CNTNAP4: variants seen among roughly 807,000 people sequenced by gnomAD.
CNTNAP4 encodes the protein contactin associated protein family member 4, also known as contactin-associated protein-like 4.
In CNTNAP4, 98 loss-of-function variants were observed where a neutral mutation model predicts 148.4. The ratio of observed to expected loss-of-function variants is 0.66; its 90% CI spans 0.56 to 0.78. The LOEUF is 0.78. CNTNAP4 is among the 30% of genes least tolerant of loss of function. CNTNAP4 has a pLI of 0.00. For synonymous variants in CNTNAP4, 730 were observed against 565.1 expected (o/e 1.29, Z -4.14); for missense variants, 1,935 against 1,565.6 (o/e 1.24, Z -3.98).
intron 3 of CNTNAP4, among the ~76,000 whole-genome samples, chr16:76,380,934 T>A (rs2015905459): frequency 6.6e-6 from 1 of 152,242 alleles, no homozygotes; most frequent in Non-Finnish European, 1.5e-5. Context: ...TTTAAGTTAG[T>A]TGTCTATCAT....
intron 8 of CNTNAP4, among the ~76,000 whole-genome samples, chr16:76,453,167 T>G (rs1350360857): frequency 6.6e-6 from 1 of 152,202 alleles, no homozygotes; most frequent in African/African-American, 2.4e-5. Context: ...ATCTGGTCTG[T>G]GAGAAAAAGG....
intron 2 of CNTNAP4, among the ~76,000 whole-genome samples, chr16:76,340,841 G>T (rs1038241769): frequency 6.6e-6 from 1 of 152,258 alleles, no homozygotes; most frequent in Middle Eastern, 3.4e-3. Flanking sequence ...TGATCAAGGA[G>T]ATATGTCTGC....
chr16:76,387,617 G>A (rs1433058090), intron 3 of CNTNAP4, among the ~76,000 whole-genome samples: 1 of 152,114 alleles, frequency 6.6e-6, no homozygotes, highest in Non-Finnish European at 1.5e-5. Context: ...CTCCAAAAAA[G>A]CAATTGCCCT....
At chr16:76,553,579 C>G in intron 22 of CNTNAP4, 78 bp downstream of exon 22, 1 of 1,025,010 alleles carries the variant, frequency 9.8e-7, no homozygotes, top group Non-Finnish European at 1.4e-6. Context: ...ATGTGGCTTT[C>G]AGGCTACCTT....
chr16:76,309,249 G>C (rs1245043435), intron 1 of CNTNAP4, among the ~76,000 whole-genome samples: 1 of 151,992 alleles, frequency 6.6e-6, no homozygotes, highest in Non-Finnish European at 1.5e-5. Context: ...GGCAGAGCTG[G>C]GGGAAAGCTC....
chr16:76,414,213 A>G (rs2144940109), intron 3 of CNTNAP4, among the ~76,000 whole-genome samples: 1 of 151,502 alleles, frequency 6.6e-6, no homozygotes, highest in East Asian at 1.9e-4. Flanking sequence ...GCAGAGTTAG[A>G]CATTGCCTGC....
At chr16:76,306,900 T>C (rs961458000) in intron 1 of CNTNAP4, among the ~76,000 whole-genome samples, 1 of 152,166 alleles carries the variant, frequency 6.6e-6, no homozygotes, top group African/African-American at 2.4e-5. Context: ...TAGGCAGAGG[T>C]ACATCAAGTT....
chr16:76,526,912 G>T (rs1340182630), intron 17 of CNTNAP4, among the ~76,000 whole-genome samples: 1 of 152,084 alleles, frequency 6.6e-6, no homozygotes. Flanking sequence ...GGGCTCAAGG[G>T]CTCCACCCCC....
Position 76,444,242 on chromosome 16 carries a change from A to G in CNTNAP4, c.539-3770A>G, listed in dbSNP as rs150526279. ...CCAGACAGAAGCAATTTGCATCTCT[A>G]CTGAGCAAAAATCTACAGATTATGT... is the stretch of plus-strand genomic sequence containing the variant. On this transcript the variant is annotated intron_variant, in intron 4 of 23. Transcript: ENST00000611870. Among the ~76,000 whole-genome samples, 94 of 152,282 alleles carry G rather than the reference A, an allele frequency of 6.2e-4. 2 individuals are homozygous for G. The East Asian group carries it at 0.015, about 25-fold the overall frequency.
chr16:76,293,191 C>T (rs962865174), intron 1 of CNTNAP4, among the ~76,000 whole-genome samples: 1 of 151,558 alleles, frequency 6.6e-6, no homozygotes, highest in Non-Finnish European at 1.5e-5. Flanking sequence ...GTGGTGCAAT[C>T]TCGGCTAACT....
intron 3 of CNTNAP4, among the ~76,000 whole-genome samples, chr16:76,414,472 T>C (rs1172515848): frequency 6.6e-6 from 1 of 151,264 alleles, no homozygotes; most frequent in African/African-American, 2.4e-5. Context: ...ATGGGTAAGA[T>C]CGACTTTTAT....
chr16:76,332,898 G>A (rs1382204681), intron 2 of CNTNAP4, among the ~76,000 whole-genome samples: 4 of 152,098 alleles, frequency 2.6e-5, no homozygotes, highest in Non-Finnish European at 5.9e-5. Context: ...ATGGAAAGTG[G>A]GAGCAGGTTA....
At chr16:76,409,270 A>G (rs940655718) in intron 3 of CNTNAP4, among the ~76,000 whole-genome samples, 5 of 151,952 alleles carry the variant, frequency 3.3e-5, no homozygotes, top group African/African-American at 1.2e-4. Context: ...CCTTACAGAA[A>G]CACTTATGGT....
intron 3 of CNTNAP4, among the ~76,000 whole-genome samples, chr16:76,360,705 T>A (rs1435266485): frequency 2.0e-5 from 3 of 152,224 alleles, no homozygotes; most frequent in Non-Finnish European, 4.4e-5. Context: ...AAAGTCTACA[T>A]TATTAGTCTA....
chr16:76,383,048 C>T (rs2016147074), intron 3 of CNTNAP4, among the ~76,000 whole-genome samples: 1 of 151,564 alleles, frequency 6.6e-6, no homozygotes, highest in South Asian at 2.1e-4. Flanking sequence ...TGGGAAGATG[C>T]CAGAGAATCA....
At chr16:76,286,994 G>A (rs1396166220) in intron 1 of CNTNAP4, among the ~76,000 whole-genome samples, 3 of 152,142 alleles carry the variant, frequency 2.0e-5, no homozygotes, top group Non-Finnish European at 4.4e-5. Context: ...TGATTTCTGT[G>A]CTTATTTGAA....
rs568726402 is a variant in CNTNAP4 at position 76,426,942 on chromosome 16, A to G, written c.391-510A>G. ...GTTTAACAACCTGTTAGCTGAGTGT[A>G]GCTCCAACTTGAATGTTGCGTGGTA... is the stretch of plus-strand genomic sequence containing the variant. On this transcript the variant is annotated intron_variant, in intron 3 of 23. Coordinates refer to ENST00000611870, the MANE Select transcript of CNTNAP4 (RefSeq NM_033401.5). Among the ~76,000 whole-genome samples, 41 of 152,306 alleles carry G rather than the reference A, an allele frequency of 2.7e-4. 1 individual carries two copies. The highest frequency in any genetic ancestry group is 9.6e-4 in the African/African-American group (40 of 41,574).
At chr16:76,300,535 C>T (rs1467044113) in intron 1 of CNTNAP4, among the ~76,000 whole-genome samples, 1 of 152,126 alleles carries the variant, frequency 6.6e-6, no homozygotes, top group Non-Finnish European at 1.5e-5. Context: ...TATCCCAGAA[C>T]TTAAAGTATA....
chr16:76,351,456 T>G (rs1221805271), intron 2 of CNTNAP4, among the ~76,000 whole-genome samples: 1 of 152,202 alleles, frequency 6.6e-6, no homozygotes, highest in Non-Finnish European at 1.5e-5. Flanking sequence ...CTATTTAGCA[T>G]TTGTCTTAAA....
Sources: gnomAD v4.1 joint callset for allele counts (sites outside exome capture counted in the v4.1 genomes callset) on GRCh38, gnomAD v4.1.1 for gene constraint, MANE v1.5 for transcripts, NCBI Gene and HGNC (gene_info 2026-07-23, HGNC 2026-07-21) for gene names.